Variants in NSMCE1 observed in about 807,000 individuals in gnomAD.
NSMCE1 encodes the protein NSE1 component of SMC5/6 complex, also known as non-structural maintenance of chromosomes element 1 homolog.
In NSMCE1, 18 loss-of-function variants were observed where a neutral mutation model predicts 29.6. That is an observed-to-expected ratio of 0.61 (90% CI 0.42 to 0.90). NSMCE1 has a LOEUF of 0.90. Ranked by LOEUF, NSMCE1 falls within the 40% of genes least tolerant of loss-of-function variation. The probability of loss-of-function intolerance (pLI) is 0.00; values close to 1 mark genes in which losing one functional copy is unlikely to be tolerated. For synonymous variants in NSMCE1, 124 were observed against 133.4 expected, an observed-to-expected ratio of 0.93 and a Z score of 0.49; for missense variants, 314 against 343.6, an observed-to-expected ratio of 0.91 and a Z score of 0.68.
At chr16:27,268,108 CG>C (rs1241331037) in intron 1 of NSMCE1, 1 of 152,038 alleles carries the variant, frequency 6.6e-6, no homozygotes, top group Non-Finnish European at 1.5e-5. Context: ...GATTACAAGC[CG>C]CTGCTCCAGC....
chr16:27,236,435 T>A (rs2083826528), intron 2 of NSMCE1, among the ~76,000 whole-genome samples: 1 of 151,844 alleles, frequency 6.6e-6, no homozygotes, highest in Non-Finnish European at 1.5e-5. Context: ...GAGTTGAGAT[T>A]ACAGGCATGC....
At chr16:27,256,638 T>C (rs2084089482) in intron 2 of NSMCE1, among the ~76,000 whole-genome samples, 1 of 152,240 alleles carries the variant, frequency 6.6e-6, no homozygotes, top group African/African-American at 2.4e-5. Flanking sequence ...CCAATGCTAA[T>C]TCGACTGATC....
intron 5 of NSMCE1, chr16:27,230,961 G>A (rs1259917996): frequency 1.4e-4 from 22 of 152,410 alleles, no homozygotes; most frequent in Admixed American, 1.4e-3. Flanking sequence ...GGCAGACAAA[G>A]GGCAAGTCAA....
At chr16:27,253,294 G>A (rs1306156347) in intron 2 of NSMCE1, among the ~76,000 whole-genome samples, 1 of 152,186 alleles carries the variant, frequency 6.6e-6, no homozygotes, top group Non-Finnish European at 1.5e-5. Flanking sequence ...TTGTGACACT[G>A]AGCCCTTTAA....
chr16:27,256,420 CA>C (rs1162703841), intron 2 of NSMCE1, among the ~76,000 whole-genome samples: 5 of 152,232 alleles, frequency 3.3e-5, no homozygotes, highest in African/African-American at 4.8e-5. Flanking sequence ...CTTCTCCTCA[CA>C]AGCACCTCAC....
chr16:27,259,183 G>A (rs1422602099), intron 1 of NSMCE1, among the ~76,000 whole-genome samples: 3 of 152,150 alleles, frequency 2.0e-5, no homozygotes, highest in African/African-American at 7.2e-5. Flanking sequence ...CAAAGCCTAC[G>A]TTAGACTCAT....
chr16:27,257,674 T>A, intron 1 of NSMCE1, 93 bp from the exon 2 acceptor site: 2 of 1,097,560 alleles, frequency 1.8e-6, no homozygotes, highest in Non-Finnish European at 2.6e-6. Context: ...AATATAAATT[T>A]GCTATCATTT....
intron 2 of NSMCE1, among the ~76,000 whole-genome samples, chr16:27,239,879 A>G (rs1215737854): frequency 6.6e-6 from 1 of 152,206 alleles, no homozygotes; most frequent in Non-Finnish European, 1.5e-5. Context: ...GGATTTCTTA[A>G]GGGCTATAGT....
intron 2 of NSMCE1, among the ~76,000 whole-genome samples, chr16:27,239,548 C>T (rs2083867328): frequency 1.3e-5 from 2 of 152,330 alleles, no homozygotes; most frequent in East Asian, 3.9e-4. Flanking sequence ...AACAACACCA[C>T]TCCTTTTCAG....
chr16:27,241,930 C>T (rs1280459415), intron 2 of NSMCE1: 1 of 410,938 alleles, frequency 2.4e-6, no homozygotes, highest in African/African-American at 2.1e-5. Flanking sequence ...GACCAGAAAT[C>T]AGATGTCTGG....
intron 1 of NSMCE1, among the ~76,000 whole-genome samples, chr16:27,259,584 T>C (rs78275880): frequency 6.6e-6 from 1 of 151,978 alleles, no homozygotes; most frequent in Non-Finnish European, 1.5e-5. Flanking sequence ...AGGAAAGAAA[T>C]GGGAGGCAAA....
At position 27,226,065 on chromosome 16, in the gene NSMCE1, T is replaced by C. The variant is rs2083687269; in HGVS notation, c.601-219A>G. ...GTTTTACTAAACAATTCTGAACACATGAACGCAGTGACAGAAGCCGAGGGC... is the reference window on the plus strand; with the variant it reads ...GTTTTACTAAACAATTCTGAACACACGAACGCAGTGACAGAAGCCGAGGGC... On this transcript the variant is annotated intron_variant, in intron 6 of 7. Transcript: ENST00000361439. The C allele has an allele frequency of 2.4e-5, 12 of 506,380 alleles. No homozygotes were observed. In the South Asian group the frequency reaches 2.7e-4, roughly 11 times the overall value. The allele number at this position is 506,380 out of a possible 1,614,324, so 31.4% of individuals were successfully genotyped here. A position where few individuals can be genotyped will look rare whatever the true frequency, so the allele number is the denominator to read the frequency against.
chr16:27,246,724 G>A (rs2083962291), intron 2 of NSMCE1, among the ~76,000 whole-genome samples: 1 of 152,238 alleles, frequency 6.6e-6, no homozygotes, highest in Admixed American at 6.5e-5. Context: ...TCCTGAGCTT[G>A]AGTGATCCAC....
intron 1 of NSMCE1, chr16:27,268,079 T>C (rs1486352649): frequency 6.6e-6 from 1 of 152,002 alleles, no homozygotes; most frequent in Non-Finnish European, 1.5e-5. Context: ...ACTTTAGCTG[T>C]GGAAAGGGTC....
At chr16:27,231,637 T>TAAA (rs71387778) in intron 5 of NSMCE1, among the ~76,000 whole-genome samples, 3 of 140,692 alleles carry the variant, frequency 2.1e-5, no homozygotes, top group African/African-American at 2.7e-5. Flanking sequence ...AACTCCATCT[T>TAAA]AAAAAAAAAA....
intron 2 of NSMCE1, among the ~76,000 whole-genome samples, chr16:27,256,174 CT>C (rs1432472852): frequency 6.6e-6 from 1 of 151,952 alleles, no homozygotes; most frequent in African/African-American, 2.4e-5. Context: ...CATTTTTTAT[CT>C]TTTTCTTTTG....
At chr16:27,260,613 T>C (rs969346676) in intron 1 of NSMCE1, among the ~76,000 whole-genome samples, 1 of 152,088 alleles carries the variant, frequency 6.6e-6, no homozygotes, top group Admixed American at 6.6e-5. Flanking sequence ...ACCTCTATAT[T>C]ATAAGAGTTC....
At chr16:27,244,053 G>A (rs1326345080) in intron 2 of NSMCE1, among the ~76,000 whole-genome samples, 1 of 152,218 alleles carries the variant, frequency 6.6e-6, no homozygotes, top group Non-Finnish European at 1.5e-5. Flanking sequence ...CTGGTTAGCT[G>A]TCTCCACCTT....
At chr16:27,237,942 G>A (rs770366109) in intron 2 of NSMCE1, among the ~76,000 whole-genome samples, 2 of 152,100 alleles carry the variant, frequency 1.3e-5, no homozygotes, top group African/African-American at 2.4e-5. Flanking sequence ...CGTTCTCTCC[G>A]CTATCGCCCT....
Sources: gnomAD v4.1 joint callset for allele counts (sites outside exome capture counted in the v4.1 genomes callset) on GRCh38, gnomAD v4.1.1 for gene constraint, MANE v1.5 for transcripts, NCBI Gene and HGNC (gene_info 2026-07-23, HGNC 2026-07-21) for gene names.